The following DLG2 variants were observed in gnomAD, a reference collection of about 807,000 sequenced individuals.
The protein encoded by DLG2 is disks large homolog 2.
In DLG2, 45 loss-of-function variants were observed where a neutral mutation model predicts 132.5. The ratio of observed to expected loss-of-function variants is 0.34; its 90% CI spans 0.27 to 0.44. DLG2 has a LOEUF of 0.44. DLG2 is among the 20% of genes least tolerant of loss of function. The probability of loss-of-function intolerance (pLI) is 1.00; values close to 1 mark genes in which losing one functional copy is unlikely to be tolerated. For missense variants in DLG2, 1,045 were observed against 1,196.9 expected, an observed-to-expected ratio of 0.87 and a Z score of 1.87; for synonymous variants, 424 against 419.6, an observed-to-expected ratio of 1.01 and a Z score of -0.13.
At chr11:84,809,989 T>C (rs1184204974) in intron 6 of DLG2, among the ~76,000 whole-genome samples, 1 of 151,904 alleles carries the variant, frequency 6.6e-6, no homozygotes, top group Non-Finnish European at 1.5e-5. Context: ...CAACAAATAA[T>C]GCTGGAGCAA....
chr11:84,445,388 G>C (rs1477439550), intron 7 of DLG2, among the ~76,000 whole-genome samples: 1 of 151,534 alleles, frequency 6.6e-6, no homozygotes, highest in East Asian at 1.9e-4. Flanking sequence ...ACTAGACTTT[G>C]AATGAGAGTA....
intron 7 of DLG2, among the ~76,000 whole-genome samples, chr11:84,433,817 T>C (rs2098992084): frequency 6.6e-6 from 1 of 152,076 alleles, no homozygotes; most frequent in Non-Finnish European, 1.5e-5. Flanking sequence ...TAAAAGCTAT[T>C]CAAATAGAAT....
intron 8 of DLG2, among the ~76,000 whole-genome samples, chr11:84,201,402 T>A (rs1249894805): frequency 6.6e-6 from 1 of 152,152 alleles, no homozygotes; most frequent in African/African-American, 2.4e-5. Context: ...GCCCTGATAT[T>A]TTCTTTTTTG....
At chr11:83,483,054 C>A (rs1273215643) in intron 22 of DLG2, among the ~76,000 whole-genome samples, 3 of 152,054 alleles carry the variant, frequency 2.0e-5, no homozygotes, top group Non-Finnish European at 2.9e-5. Flanking sequence ...GTGCCTGATA[C>A]ATTTTGCTTT....
intron 18 of DLG2, among the ~76,000 whole-genome samples, chr11:83,634,766 T>C (rs1472151511): frequency 6.6e-6 from 1 of 152,186 alleles, no homozygotes; most frequent in African/African-American, 2.4e-5. Flanking sequence ...CTAAAAGATT[T>C]GACCTTAGTT....
intron 6 of DLG2, among the ~76,000 whole-genome samples, chr11:84,542,756 C>T (rs960948141): frequency 2.6e-5 from 4 of 152,168 alleles, no homozygotes; most frequent in African/African-American, 9.6e-5. Context: ...ACAAAGAAAA[C>T]GAGCTCAATG....
intron 17 of DLG2, among the ~76,000 whole-genome samples, chr11:83,818,230 T>A (rs892934263): frequency 6.6e-6 from 1 of 152,184 alleles, no homozygotes; most frequent in Non-Finnish European, 1.5e-5. Flanking sequence ...TGGTGTCTTG[T>A]TGGTCTGGGC....
chr11:84,987,491 A>T (rs1481140674), intron 6 of DLG2, among the ~76,000 whole-genome samples: 2 of 152,202 alleles, frequency 1.3e-5, no homozygotes, highest in Non-Finnish European at 1.5e-5. Flanking sequence ...ACAAATCTGG[A>T]GGCATCACAT....
chr11:84,907,920 T>C (rs932848559), intron 6 of DLG2, among the ~76,000 whole-genome samples: 7 of 152,204 alleles, frequency 4.6e-5, no homozygotes, highest in African/African-American at 1.4e-4. Context: ...CAAAGTTCCC[T>C]TTTAAATCTA....
chr11:85,584,052 A>G (rs1483627055), intron 3 of DLG2, among the ~76,000 whole-genome samples: 1 of 152,084 alleles, frequency 6.6e-6, no homozygotes, highest in Non-Finnish European at 1.5e-5. Flanking sequence ...GGTGGGGTTT[A>G]CTGCATGGAA....
At position 84,042,673 on chromosome 11, in the gene DLG2, TA is replaced by T. The variant is rs1322107507; in HGVS notation, c.919+16641del. 2.0e-5 allele frequency among the ~76,000 whole-genome samples: 3 copies of T among 151,776 alleles called. No homozygotes were observed. In the East Asian group the frequency reaches 5.8e-4, roughly 29 times the overall value. On this transcript the variant is annotated intron_variant, in intron 11 of 27. Coordinates refer to ENST00000376104, the MANE Select transcript of DLG2 (RefSeq NM_001142699.3). ...AGGGTGTGCAGGTTTGTTACATAGGTAAATGTGTGCCATGGAATACTATGCA... is the reference window on the plus strand; with the variant it reads ...AGGGTGTGCAGGTTTGTTACATAGGTAATGTGTGCCATGGAATACTATGCA...
chr11:84,872,109 A>G (rs2085559901), intron 6 of DLG2, among the ~76,000 whole-genome samples: 1 of 152,230 alleles, frequency 6.6e-6, no homozygotes, highest in Admixed American at 6.5e-5. Flanking sequence ...ATACATGGCT[A>G]TGAATCTGTA....
At chr11:85,499,468 A>C (rs1172521668) in intron 3 of DLG2, among the ~76,000 whole-genome samples, 1 of 152,128 alleles carries the variant, frequency 6.6e-6, no homozygotes, top group Non-Finnish European at 1.5e-5. Context: ...CTACCAACCA[A>C]AAAAAGTCCA....
At chr11:85,600,478 T>G (rs1180566079) in intron 2 of DLG2, among the ~76,000 whole-genome samples, 1 of 152,186 alleles carries the variant, frequency 6.6e-6, no homozygotes, top group African/African-American at 2.4e-5. Context: ...CGCACATGAG[T>G]TTGTTATAAT....
intron 7 of DLG2, among the ~76,000 whole-genome samples, chr11:84,251,529 T>C (rs2154350844): frequency 6.6e-6 from 1 of 152,288 alleles, no homozygotes; most frequent in East Asian, 1.9e-4. Context: ...ATAATTTACA[T>C]TCATTTTCTC....
intron 7 of DLG2, among the ~76,000 whole-genome samples, chr11:84,452,221 T>C (rs2099053641): frequency 1.3e-5 from 2 of 151,582 alleles, no homozygotes; most frequent in African/African-American, 2.4e-5. Context: ...GGCTACCATT[T>C]GACAACAGTA....
intron 3 of DLG2, among the ~76,000 whole-genome samples, chr11:85,598,180 T>G (rs1352194511): frequency 6.6e-6 from 1 of 152,020 alleles, no homozygotes; most frequent in Non-Finnish European, 1.5e-5. Flanking sequence ...TCATAAACTT[T>G]CCTAAGACAA....
chr11:84,826,249 A>C (rs7946198), intron 6 of DLG2, among the ~76,000 whole-genome samples: 1 of 151,756 alleles, frequency 6.6e-6, no homozygotes. Context: ...TTAAATTAGA[A>C]TTTACTATAG....
intron 6 of DLG2, among the ~76,000 whole-genome samples, chr11:84,796,378 T>A (rs1253757828): frequency 1.3e-5 from 2 of 152,218 alleles, no homozygotes; most frequent in African/African-American, 4.8e-5. Context: ...AGCTATTATT[T>A]TTTATTAGTT....
Sources: allele counts gnomAD v4.1 joint callset (sites outside exome capture counted in the v4.1 genomes callset), GRCh38; gene constraint gnomAD v4.1.1; transcripts MANE v1.5; gene names NCBI Gene and HGNC (gene_info 2026-07-23, HGNC 2026-07-21).